GPR137C: variants seen among roughly 807,000 people sequenced by gnomAD.
The protein encoded by GPR137C is G protein-coupled receptor 137C.
GPR137C carries 27 observed loss-of-function variants against 43.4 expected under a neutral mutation model. The ratio of observed to expected loss-of-function variants is 0.62; its 90% CI spans 0.46 to 0.86. GPR137C has a LOEUF of 0.86. GPR137C is among the 40% of genes least tolerant of loss of function. GPR137C has a pLI of 0.00. For synonymous variants in GPR137C, 285 were observed against 226.9 expected (o/e 1.26, Z -2.30); for missense variants, 522 against 534.6 (o/e 0.98, Z 0.23).
Position 52,633,599 on chromosome 14 carries a change from G to T in GPR137C, c.937G>T (p.Val313Leu). 6.2e-7 allele frequency: 1 copy of T among 1,613,048 alleles called. No individual in the cohort carries two copies. The highest frequency in any genetic ancestry group is 8.5e-7 in the Non-Finnish European group (1 of 1,179,264). The change falls in exon 5 of 7, where the codon GTG becomes TTG. Residue 313 changes from valine to leucine, a missense_variant. Coordinates refer to ENST00000321662, the MANE Select transcript of GPR137C (RefSeq NM_001099652.2). Reference sequence around the variant, plus strand: ...AATGGTCCTCTTTCTGTGGGAACATGTGCCAGCATGGTCGGTGGTACTGTT... The same window carrying T: ...AATGGTCCTCTTTCTGTGGGAACATTTGCCAGCATGGTCGGTGGTACTGTT... Reference protein sequence around the residue: ...FGMVLFLWEHVPAWSVVLFFR... With the variant: ...FGMVLFLWEHLPAWSVVLFFR...
At chr14:52,599,798 T>C (rs2038902112) in intron 2 of GPR137C, among the ~76,000 whole-genome samples, 1 of 152,246 alleles carries the variant, frequency 6.6e-6, no homozygotes, top group Non-Finnish European at 1.5e-5. Context: ...ATACAGTATA[T>C]TAATTTTCAG....
rs146624996 is a variant in GPR137C, at chr14:52,602,729, A to G, written c.717+2388A>G. 7.8e-4 allele frequency among the ~76,000 whole-genome samples: 119 copies of G among 152,116 alleles called. 1 individual carries two copies. In the East Asian group the frequency reaches 0.017, roughly 22 times the overall value. On this transcript the variant is annotated intron_variant, in intron 3 of 6. Transcript: ENST00000321662. ...AAATAAAATTTAGAAATAACTCACT[A>G]TCTGAATTATCTTAAAATTTTATTT...
chr14:52,619,645 A>G (rs1255054001), intron 3 of GPR137C, among the ~76,000 whole-genome samples: 2 of 152,116 alleles, frequency 1.3e-5, no homozygotes, highest in East Asian at 3.8e-4. Context: ...CCCTGCTTCT[A>G]GACCCTTTTA....
chr14:52,568,417 T>TA (rs1051475357), intron 1 of GPR137C, among the ~76,000 whole-genome samples: 2 of 151,952 alleles, frequency 1.3e-5, no homozygotes, highest in Non-Finnish European at 2.9e-5. Flanking sequence ...GAGTTTTTTT[T>TA]TCATACCCCG....
chr14:52,630,398 TTAA>T (rs1259688069), intron 3 of GPR137C, among the ~76,000 whole-genome samples: 2 of 152,176 alleles, frequency 1.3e-5, no homozygotes, highest in African/African-American at 4.8e-5. Context: ...TTACTTTTCT[TTAA>T]TAATACATTA....
Position 52,553,547 on chromosome 14 carries a change from C to G in GPR137C, c.400C>G (p.Leu134Val), listed in dbSNP as rs1193922795. ...GCTGCTCTACTGCTTCCCCTCCTGT[C>G]TCCAGTTCTCCACGCTCTGTCTCCT... ...HWLLYCFPSC[L>V]QFSTLCLLNL... The change falls in exon 1 of 7, where the codon CTC becomes GTC. Residue 134 changes from leucine to valine, a missense_variant. By Grantham distance (32) the Leu-to-Val change is conservative (BLOSUM62 1). Transcript: ENST00000321662. 2 of 1,607,834 alleles carry G rather than the reference C, an allele frequency of 1.2e-6. No individual in the cohort carries two copies. Among genetic ancestry groups the G allele is most frequent in the African/African-American group, 1.3e-5 (1 of 74,882 alleles).
chr14:52,559,627 T>G (rs1255437538), intron 1 of GPR137C, among the ~76,000 whole-genome samples: 1 of 152,160 alleles, frequency 6.6e-6, no homozygotes, highest in Admixed American at 6.5e-5. Context: ...GCATATTACC[T>G]AGGAGAAGAA....
chr14:52,573,520 A>G (rs1367335825), intron 1 of GPR137C, among the ~76,000 whole-genome samples: 1 of 152,224 alleles, frequency 6.6e-6, no homozygotes, highest in Non-Finnish European at 1.5e-5. Context: ...GGCTAGCCAT[A>G]TGCAGAACAC....
At chr14:52,563,430 A>C (rs188179890) in intron 1 of GPR137C, among the ~76,000 whole-genome samples, 45 of 152,260 alleles carry the variant, frequency 3.0e-4, no homozygotes, top group African/African-American at 9.6e-4. Context: ...TATCTGATGC[A>C]CTCAGATTCA....
At chr14:52,554,218 T>C (rs576227809) in intron 1 of GPR137C, among the ~76,000 whole-genome samples, 62 of 152,318 alleles carry the variant, frequency 4.1e-4, no homozygotes, top group African/African-American at 1.4e-3. Flanking sequence ...ATAAAGCCCT[T>C]AATGTTTGCC....
intron 3 of GPR137C, among the ~76,000 whole-genome samples, chr14:52,602,043 A>T (rs909792909): frequency 6.6e-6 from 1 of 150,986 alleles, no homozygotes; most frequent in Non-Finnish European, 1.5e-5. Context: ...GCAGATATAC[A>T]TGTTCAGACG....
At chr14:52,590,868 A>G (rs554999594) in intron 1 of GPR137C, among the ~76,000 whole-genome samples, 1 of 152,290 alleles carries the variant, frequency 6.6e-6, no homozygotes, top group East Asian at 1.9e-4. Flanking sequence ...GTTCTAGGAT[A>G]CATGTGTACA....
At chr14:52,618,656 A>G (rs2039126217) in intron 3 of GPR137C, among the ~76,000 whole-genome samples, 1 of 152,184 alleles carries the variant, frequency 6.6e-6, no homozygotes, top group Non-Finnish European at 1.5e-5. Flanking sequence ...GCTTTTTATC[A>G]GAATTATAAC....
intron 3 of GPR137C, among the ~76,000 whole-genome samples, chr14:52,623,496 A>G (rs908167699): frequency 3.3e-5 from 5 of 152,182 alleles, no homozygotes; most frequent in African/African-American, 1.2e-4. Context: ...TGTTTAAAGC[A>G]TTCATGATAC....
chr14:52,593,508 A>G (rs753996940), intron 1 of GPR137C, among the ~76,000 whole-genome samples: 1 of 151,832 alleles, frequency 6.6e-6, no homozygotes, highest in Non-Finnish European at 1.5e-5. Context: ...CAATTTCAGA[A>G]CCTGTTATTG....
intron 3 of GPR137C, chr14:52,612,717 A>G (rs1594802806): frequency 6.6e-6 from 1 of 150,452 alleles, no homozygotes; most frequent in South Asian, 2.1e-4. Flanking sequence ...ATTCACCACC[A>G]CACTCAGCTT....
At chr14:52,597,288 C>A (rs1003695921) in intron 1 of GPR137C, among the ~76,000 whole-genome samples, 1 of 152,082 alleles carries the variant, frequency 6.6e-6, no homozygotes, top group African/African-American at 2.4e-5. Context: ...TTTTTCTGTT[C>A]TTTCATACTC....
chr14:52,553,231 A>T lies in GPR137C; in HGVS notation c.84A>T (p.Gly28=). ...CCTCCACGCCCGGCGGGGGCAGCGG[A>T]GGCGGAGGCGCCGTCGCTGCAGCCT... is the stretch of plus-strand genomic sequence containing the variant. ...REPSTPGGGS[G]GGGAVAAASG... is the part of the protein sequence containing the mutation. The change falls in exon 1 of 7, where the codon GGA becomes GGT. Residue 28 remains glycine (G), a synonymous_variant. Coordinates refer to ENST00000321662, the MANE Select transcript of GPR137C (RefSeq NM_001099652.2). 5.4e-6 allele frequency: 7 copies of T among 1,289,110 alleles called. No individual in the cohort carries two copies. The highest frequency in any genetic ancestry group is 5.9e-4 in the Middle Eastern group (2 of 3,418). 79.9% of individuals were successfully genotyped at this position (1,289,110 alleles called of 1,614,324 possible). A position where few individuals can be genotyped will look rare whatever the true frequency, so the allele number is the denominator to read the frequency against.
intron 3 of GPR137C, among the ~76,000 whole-genome samples, chr14:52,606,706 T>G (rs1267364822): frequency 6.6e-6 from 1 of 152,234 alleles, no homozygotes. Flanking sequence ...TTTGTTAGTC[T>G]AGCTAAGTTT....
Sources: allele counts gnomAD v4.1 joint callset (sites outside exome capture counted in the v4.1 genomes callset), GRCh38; gene constraint gnomAD v4.1.1; transcripts MANE v1.5; gene names NCBI Gene and HGNC (gene_info 2026-07-23, HGNC 2026-07-21).